Variants in SLC51A observed in about 807,000 individuals in gnomAD.
The protein encoded by SLC51A is organic solute transporter subunit alpha.
Under a neutral mutation model 34.8 loss-of-function variants are expected in SLC51A, and 22 were observed. The observed-to-expected ratio is 0.63, with a 90% confidence interval of 0.45 to 0.90. The LOEUF is 0.90. SLC51A is among the 40% of genes least tolerant of loss of function. SLC51A has a pLI of 0.00. For synonymous variants in SLC51A, 181 were observed against 176.3 expected (o/e 1.03, Z -0.21); for missense variants, 371 against 414.8 (o/e 0.89, Z 0.92).
chr3:196,224,431 A>C (rs138047603), intron 2 of SLC51A, among the ~76,000 whole-genome samples: 11,110 of 149,858 alleles, frequency 0.074, 1,440 homozygotes, highest in African/African-American at 0.26. Context: ...CCGGTGGCTC[A>C]CGCCTGTAAT....
intron 2 of SLC51A, 44 bp downstream of exon 2, chr3:196,217,980 C>G: frequency 6.4e-7 from 1 of 1,561,924 alleles, no homozygotes; most frequent in Non-Finnish European, 8.7e-7. Context: ...GGAGGGAAAC[C>G]AGGATAGCTG....
At chr3:196,218,985 G>A (rs1033848729) in intron 2 of SLC51A, among the ~76,000 whole-genome samples, 12 of 152,180 alleles carry the variant, frequency 7.9e-5, no homozygotes, top group South Asian at 2.1e-4. Context: ...CTGCACTTTG[G>A]GAGGCCGAGG....
At chr3:196,221,909 G>A (rs1162457643) in intron 2 of SLC51A, among the ~76,000 whole-genome samples, 4 of 151,306 alleles carry the variant, frequency 2.6e-5, no homozygotes, top group South Asian at 2.1e-4. Context: ...TAGTAGAGAC[G>A]GGGTTTCACC....
intron 2 of SLC51A, among the ~76,000 whole-genome samples, chr3:196,221,850 G>A (rs866553350): frequency 2.6e-5 from 4 of 151,974 alleles, no homozygotes; most frequent in Non-Finnish European, 2.9e-5. Flanking sequence ...CGAGTAGCTG[G>A]GACTACAGGC....
chr3:196,222,367 G>A (rs1400416116), intron 2 of SLC51A, among the ~76,000 whole-genome samples: 2 of 152,098 alleles, frequency 1.3e-5, no homozygotes, highest in East Asian at 1.9e-4. Context: ...AGGCACGGTG[G>A]CTCACACCTG....
intron 2 of SLC51A, among the ~76,000 whole-genome samples, chr3:196,221,269 G>A (rs924771106): frequency 5.3e-5 from 8 of 151,496 alleles, no homozygotes; most frequent in African/African-American, 1.7e-4. Context: ...AAAAAAGAGA[G>A]AGAGAAAAAA....
At chr3:196,217,565 AAGGAAGG>A (rs1299744268) in intron 1 of SLC51A, among the ~76,000 whole-genome samples, 54 of 83,566 alleles carry the variant, frequency 6.5e-4, no homozygotes, top group Non-Finnish European at 1.3e-3. Flanking sequence ...AAGAAAGAAA[AAGGAAGG>A]AAGGAAGGAA....
chr3:196,220,890 CT>C (rs758950658), intron 2 of SLC51A, among the ~76,000 whole-genome samples: 1,572 of 132,250 alleles, frequency 0.012, 13 homozygotes, highest in African/African-American at 0.034. Flanking sequence ...CTTAATTTTT[CT>C]TTTTTTTTTT....
intron 2 of SLC51A, 143 bp downstream of exon 2, chr3:196,218,079 C>A: frequency 1.3e-6 from 1 of 742,474 alleles, no homozygotes; most frequent in Admixed American, 2.2e-5. Flanking sequence ...GTGGTTAAGG[C>A]TCTGGAGAAG....
intron 6 of SLC51A, among the ~76,000 whole-genome samples, chr3:196,229,417 C>T (rs548238547): frequency 9.0e-5 from 12 of 133,968 alleles, no homozygotes; most frequent in South Asian, 7.2e-4. Context: ...TCTCTTTTGT[C>T]GCCCAGGCTG....
intron 2 of SLC51A, chr3:196,223,737 TA>T (rs71161915): frequency 0.2 from 48,972 of 247,224 alleles, 2,405 homozygotes; most frequent in Middle Eastern, 0.25. Flanking sequence ...CAGGTTTAGT[TA>T]AAAAAAAAAA....
In SLC51A at chr3:196,228,109, C is replaced by T; in HGVS notation, c.363-6C>T. Reference sequence around the variant, plus strand: ...CCTCGTAGGCCCTCTTCTCTCCCCACCCCAGGTTTTATGCCGTGTGCTTTT... The same window carrying T: ...CCTCGTAGGCCCTCTTCTCTCCCCATCCCAGGTTTTATGCCGTGTGCTTTT... On this transcript the variant is annotated splice_polypyrimidine_tract_variant and splice_region_variant and intron_variant, in intron 4 of 8. Coordinates refer to ENST00000296327, the MANE Select transcript of SLC51A (RefSeq NM_152672.6). The surrounding 1 kb of genome is among the most constrained non-coding windows in gnomAD (Gnocchi z 4.9). 1 of 1,611,778 alleles carries T rather than the reference C, an allele frequency of 6.2e-7. No homozygotes were observed. Among genetic ancestry groups the T allele is most frequent in the Non-Finnish European group, 8.5e-7 (1 of 1,178,654 alleles).
At chr3:196,225,821 A>T (rs1460123170) in intron 2 of SLC51A, 3 of 152,178 alleles carry the variant, frequency 2.0e-5, no homozygotes, top group Admixed American at 1.3e-4. Flanking sequence ...AATGCAGATG[A>T]CTGGGCCCAT....
At position 196,229,936 on chromosome 3, in the gene SLC51A, C is replaced by A; in HGVS notation, c.655C>A (p.Leu219Ile). ...CCAGATTTCTGAGGGGAGCACAGCT[C>A]TATGGATCAACACTTTCCTTGGCGT... The part of the protein sequence containing the change: ...PADISEGSTA[L>I]WINTFLGVST... The change falls in exon 7 of 9, where the codon CTA (leucine) becomes ATA (isoleucine). Residue 219 changes from leucine to isoleucine, a missense_variant. Transcript: ENST00000296327. 6.2e-7 allele frequency: 1 copy of A among 1,612,152 alleles called. No individual in the cohort carries two copies. Among genetic ancestry groups the A allele is most frequent in the Non-Finnish European group, 8.5e-7 (1 of 1,179,194 alleles).
chr3:196,219,652 C>T (rs1723693069), intron 2 of SLC51A, among the ~76,000 whole-genome samples: 1 of 152,222 alleles, frequency 6.6e-6, no homozygotes, highest in Admixed American at 6.5e-5. Flanking sequence ...TGAGAGAGTG[C>T]AGCTGGTGGT....
rs544950898 is a variant in SLC51A, at chr3:196,227,118, C to A, written c.287C>A (p.Thr96Lys). ...CTGCTCTGGAAGAGCTCGGCACCCA[C>A]GGTGAGGCCCCCGGGGCTGCCCTGT... ...RTLLWKSSAP[T>K]VVSVLCCFGL... The change falls in exon 3 of 9, where the codon ACG (threonine) becomes AAG (lysine). Residue 96 changes from threonine (T) to lysine (K), a missense_variant and splice_region_variant. Physicochemically the swap from Thr to Lys is moderately conservative, Grantham distance 78. Transcript: ENST00000296327. 3.7e-6 allele frequency: 6 copies of A among 1,613,436 alleles called. No homozygotes were observed. The African/African-American group carries it at 5.3e-5, about 14-fold the overall frequency.
intron 2 of SLC51A, chr3:196,226,550 G>A (rs1469226984): frequency 2.0e-5 from 3 of 153,816 alleles, no homozygotes; most frequent in African/African-American, 4.8e-5. Flanking sequence ...CAAGGCGAGT[G>A]GATCACTTGA....
rs945720595 is a variant in SLC51A at position 196,223,568 on chromosome 3, G to A, written c.134-3397G>A. Among the ~76,000 whole-genome samples the A allele has an allele frequency of 1.3e-5, 2 of 151,734 alleles. 1 individual carries two copies. The highest frequency in any genetic ancestry group is 3.8e-4 in the East Asian group (2 of 5,198). On this transcript the variant is annotated intron_variant, in intron 2 of 8. Coordinates refer to ENST00000296327, the MANE Select transcript of SLC51A (RefSeq NM_152672.6). ...GCTCTCCAAGGGCTGATGAGCACAC[G>A]GGGCTGGGGGTAAGAGAGGCTCTAG...
Position 196,219,053 on chromosome 3 carries a change from C to A in SLC51A, c.133+1117C>A, listed in dbSNP as rs535140330. On this transcript the variant is annotated intron_variant, in intron 2 of 8. Coordinates refer to ENST00000296327, the MANE Select transcript of SLC51A (RefSeq NM_152672.6). ...CCAGCCTGGCCAACATGGTGAAACC[C>A]CGTCTCTACTGAAAATACAAAAATT... 1.3e-4 allele frequency among the ~76,000 whole-genome samples: 20 copies of A among 152,162 alleles called. 1 individual carries two copies. In the South Asian group the frequency reaches 3.9e-3, roughly 30 times the overall value.
Sources: allele counts gnomAD v4.1 joint callset (sites outside exome capture counted in the v4.1 genomes callset), GRCh38; gene constraint gnomAD v4.1.1; non-coding constraint Gnocchi (gnomAD v3.1); transcripts MANE v1.5; gene names NCBI Gene and HGNC (gene_info 2026-07-23, HGNC 2026-07-21).